The following SLC16A10 variants were observed in gnomAD, a reference collection of about 807,000 sequenced individuals.
SLC16A10 encodes solute carrier family 16 member 10.
A neutral mutation model predicts 40.0 loss-of-function variants in SLC16A10; 27 were observed. The observed-to-expected ratio is 0.67, with a 90% CI of 0.50 to 0.93. The LOEUF is 0.93. Ranked by LOEUF, SLC16A10 falls within the 40% of genes least tolerant of loss-of-function variation. SLC16A10 has a pLI of 0.00. For synonymous variants in SLC16A10, 213 were observed against 249.8 expected, an observed-to-expected ratio of 0.85 and a Z score of 1.39; for missense variants, 529 against 658.2, an observed-to-expected ratio of 0.80 and a Z score of 2.15.
intron 1 of SLC16A10, among the ~76,000 whole-genome samples, chr6:111,107,226 T>TAACTTGTTACAACATGTCTG (rs1176663327): frequency 1.6e-4 from 24 of 152,352 alleles, no homozygotes; most frequent in Admixed American, 1.5e-3. Context: ...CAACTTGTAC[T>TAACTTGTTACAACATGTCTG]AACTTGTTAC....
chr6:111,214,992 G>A (rs983414837), intron 4 of SLC16A10, among the ~76,000 whole-genome samples: 3 of 152,098 alleles, frequency 2.0e-5, no homozygotes, highest in East Asian at 1.9e-4. Flanking sequence ...GGTAGTGGGC[G>A]CCTATAGTCC....
At chr6:111,207,287 A>G (rs538467912) in intron 4 of SLC16A10, among the ~76,000 whole-genome samples, 10 of 152,328 alleles carry the variant, frequency 6.6e-5, no homozygotes, top group African/African-American at 2.4e-4. Context: ...TTTTCTATGA[A>G]GAATGTTTTT....
In SLC16A10 at chr6:111,172,749, G is replaced by A. The variant is rs1461902752; in HGVS notation, c.398G>A (p.Ser133Asn). The change falls in exon 2 of 6, where the codon AGC (serine) becomes AAC (asparagine). Residue 133 changes from serine to asparagine, a missense_variant. By Grantham distance (46) the Ser-to-Asn change is conservative. Transcript: ENST00000368851. ...ATTTTCTTTTGCTGCCCAATAGTCA[G>A]CGTCTTCACAGACCTATTTGGTTGT... The part of the protein sequence containing the change: ...GMIFFCCPIV[S>N]VFTDLFGCRK... 1.2e-6 allele frequency: 2 copies of A among 1,614,114 alleles called. No individual in the cohort carries two copies. Among genetic ancestry groups the A allele is most frequent in the East Asian group, 2.2e-5 (1 of 44,884 alleles).
intron 3 of SLC16A10, among the ~76,000 whole-genome samples, chr6:111,193,890 G>A (rs1467821353): frequency 6.6e-6 from 1 of 152,186 alleles, no homozygotes; most frequent in African/African-American, 2.4e-5. Flanking sequence ...ATGTAAGTAT[G>A]GGAAAGGCTG....
At chr6:111,096,740 A>G (rs377009968) in intron 1 of SLC16A10, among the ~76,000 whole-genome samples, 41 of 152,366 alleles carry the variant, frequency 2.7e-4, no homozygotes, top group East Asian at 1.2e-3. Context: ...TGAAATACAG[A>G]TTAGAAATAC....
rs1772607355 is a variant in SLC16A10 at position 111,172,682 on chromosome 6, CCTT to C, written c.344-9_344-7del. Reference sequence around the variant, plus strand: ...ATGTCATAATTCCCCCCACGCTTTCCCTTCTTTTACAGCATGGGTAGGTTCTCT... The same window carrying C: ...ATGTCATAATTCCCCCCACGCTTTCCCTTTTACAGCATGGGTAGGTTCTCT... On this transcript the variant is annotated splice_polypyrimidine_tract_variant and intron_variant, in intron 1 of 5. Transcript: ENST00000368851. The C allele has an allele frequency of 6.2e-7, 1 of 1,608,454 alleles. No individual in the cohort carries two copies. Among genetic ancestry groups the C allele is most frequent in the African/African-American group, 1.3e-5 (1 of 74,844 alleles).
At chr6:111,162,119 C>T (rs1772382431) in intron 1 of SLC16A10, among the ~76,000 whole-genome samples, 1 of 152,178 alleles carries the variant, frequency 6.6e-6, no homozygotes, top group African/African-American at 2.4e-5. Flanking sequence ...TCTCTCCAGT[C>T]CTCATTTTTG....
intron 1 of SLC16A10, among the ~76,000 whole-genome samples, chr6:111,118,836 G>A (rs1771535674): frequency 6.6e-6 from 1 of 152,104 alleles, no homozygotes; most frequent in African/African-American, 2.4e-5. Context: ...CAGAGAAGCT[G>A]GTTCATCTCT....
intron 1 of SLC16A10, among the ~76,000 whole-genome samples, chr6:111,100,861 T>C (rs1404486911): frequency 6.6e-6 from 1 of 151,678 alleles, no homozygotes; most frequent in Non-Finnish European, 1.5e-5. Context: ...CATACATACA[T>C]GTATATGTTG....
chr6:111,112,506 T>C (rs538096462), intron 1 of SLC16A10, among the ~76,000 whole-genome samples: 66 of 152,334 alleles, frequency 4.3e-4, no homozygotes. Flanking sequence ...ACAACTATAT[T>C]TGCGCTGGCC....
At position 111,087,955 on chromosome 6, in the gene SLC16A10, G is replaced by T; in HGVS notation, c.203G>T (p.Gly68Val). Residue 68 changes from glycine (G) to valine (V), a missense_variant, in exon 1 of 6, where the codon GGC (glycine) becomes GTC (valine). By Grantham distance (109) the Gly-to-Val change is moderately radical. Transcript: ENST00000368851. Reference sequence around the variant, plus strand: ...GAGCCCCCCGAACCCCCCGAGGGCGGCTGGGGCTGGCTGGTGATGCTGGCG... The same window carrying T: ...GAGCCCCCCGAACCCCCCGAGGGCGTCTGGGGCTGGCTGGTGATGCTGGCG... Reference protein sequence around the residue: ...PHEPPEPPEGGWGWLVMLAAM... With the variant: ...PHEPPEPPEGVWGWLVMLAAM... The T allele has an allele frequency of 2.5e-6, 4 of 1,610,260 alleles. No homozygotes were observed. The highest frequency in any genetic ancestry group is 3.4e-6 in the Non-Finnish European group (4 of 1,178,782).
intron 1 of SLC16A10, among the ~76,000 whole-genome samples, chr6:111,138,852 T>C (rs763619761): frequency 1.5e-4 from 23 of 152,154 alleles, no homozygotes; most frequent in Non-Finnish European, 2.8e-4. Context: ...TTGGGGCTTA[T>C]GTATATAAGA....
intron 1 of SLC16A10, among the ~76,000 whole-genome samples, chr6:111,118,679 CAAAAA>C (rs74273023): frequency 3.0e-5 from 2 of 66,550 alleles, no homozygotes; most frequent in African/African-American, 1.2e-4. Context: ...GCCTCCGTCT[CAAAAA>C]AAAAAAAAAA....
At chr6:111,116,610 G>A (rs1771491915) in intron 1 of SLC16A10, among the ~76,000 whole-genome samples, 2 of 152,222 alleles carry the variant, frequency 1.3e-5, no homozygotes, top group South Asian at 4.1e-4. Flanking sequence ...TGATGCAAAT[G>A]CAAATGATAA....
intron 2 of SLC16A10, among the ~76,000 whole-genome samples, chr6:111,174,165 T>C (rs1772636828): frequency 6.6e-6 from 1 of 152,212 alleles, no homozygotes; most frequent in African/African-American, 2.4e-5. Context: ...AGAAAACCTC[T>C]TAAGATGATT....
intron 1 of SLC16A10, among the ~76,000 whole-genome samples, chr6:111,171,049 A>G (rs1024051762): frequency 6.6e-6 from 1 of 152,118 alleles, no homozygotes; most frequent in Non-Finnish European, 1.5e-5. Flanking sequence ...AGGTGGGAGG[A>G]TGGCTTGAGC....
rs140796284 is a variant in SLC16A10 at position 111,109,610 on chromosome 6, C to T, written c.343+21515C>T. Among the ~76,000 whole-genome samples, 488 of 152,110 alleles carry T rather than the reference C, an allele frequency of 3.2e-3. 2 individuals are homozygous for T. The highest frequency in any genetic ancestry group is 5.5e-3 in the Non-Finnish European group (374 of 68,006). On this transcript the variant is annotated intron_variant, in intron 1 of 5. Transcript: ENST00000368851. ...ACTGGGACCACAGGTGTGTGCTAGT[C>T]TGTCTAATTTTTAAATTGTTTGTAG...
At chr6:111,205,993 G>A (rs979812771) in intron 3 of SLC16A10, among the ~76,000 whole-genome samples, 1 of 151,972 alleles carries the variant, frequency 6.6e-6, no homozygotes, top group Non-Finnish European at 1.5e-5. Flanking sequence ...TCAAATGTCT[G>A]TTCTCTTCCT....
chr6:111,181,899 A>T (rs1772799010), intron 3 of SLC16A10, among the ~76,000 whole-genome samples: 1 of 152,198 alleles, frequency 6.6e-6, no homozygotes, highest in African/African-American at 2.4e-5. Flanking sequence ...GATTCCTAGT[A>T]GCAGCTGCAT....
Sources: allele counts gnomAD v4.1 joint callset (sites outside exome capture counted in the v4.1 genomes callset), GRCh38; gene constraint gnomAD v4.1.1; transcripts MANE v1.5; gene names NCBI Gene and HGNC (gene_info 2026-07-23, HGNC 2026-07-21).